The following PTPRD variants were observed in gnomAD, a reference collection of about 807,000 sequenced individuals.
The protein encoded by PTPRD is protein tyrosine phosphatase receptor type D.
Under a neutral mutation model 214.5 loss-of-function variants are expected in PTPRD, and 34 were observed. The ratio of observed to expected loss-of-function variants is 0.16; its 90% confidence interval spans 0.12 to 0.21. PTPRD has a LOEUF of 0.21. PTPRD is among the 10% of genes least tolerant of loss of function. The pLI, the probability that PTPRD is intolerant of heterozygous loss-of-function variation, is 1.00. For missense variants in PTPRD, 2,545 were observed against 2,398.7 expected (o/e 1.06, Z -1.27); for synonymous variants, 1,128 against 845.7 (o/e 1.33, Z -5.79).
At chr9:9,563,133 T>G (rs965300236) in intron 8 of PTPRD, among the ~76,000 whole-genome samples, 1 of 152,180 alleles carries the variant, frequency 6.6e-6, no homozygotes, top group African/African-American at 2.4e-5. Flanking sequence ...AGTCTGACCC[T>G]TCTCTTTGGT....
intron 9 of PTPRD, among the ~76,000 whole-genome samples, chr9:9,190,239 G>A (rs925668090): frequency 6.6e-6 from 1 of 151,934 alleles, no homozygotes; most frequent in South Asian, 2.1e-4. Context: ...CTTGATAAAA[G>A]GATGAGTGAT....
intron 8 of PTPRD, among the ~76,000 whole-genome samples, chr9:9,543,477 T>C (rs1041459012): frequency 9.2e-5 from 14 of 151,732 alleles, no homozygotes; most frequent in African/African-American, 2.9e-4. Flanking sequence ...TTTTATTTTA[T>C]GTAAATTATA....
At chr9:8,567,032 C>T (rs1036380205) in intron 14 of PTPRD, among the ~76,000 whole-genome samples, 4 of 152,176 alleles carry the variant, frequency 2.6e-5, no homozygotes, top group African/African-American at 9.6e-5. Flanking sequence ...CTCTCGAATG[C>T]TACCTTCTCC....
rs1555249355 is a variant in PTPRD, at chr9:10,379,248, T to TG, written c.-599-38232_-599-38231insC. Among the ~76,000 whole-genome samples, 115 of 151,060 alleles carry TG rather than the reference T, an allele frequency of 7.6e-4. 1 individual carries two copies. The highest frequency in any genetic ancestry group is 2.3e-3 in the South Asian group (11 of 4,786). On this transcript the variant is annotated intron_variant, in intron 2 of 45. Transcript: ENST00000381196. The stretch of plus-strand genomic sequence containing the variant: ...TGTTTGTTAGTTCTAATAGTTTTTT[T>TG]TGTGTGTGTGTGTGTGTGTAGTCAT...
intron 3 of PTPRD, among the ~76,000 whole-genome samples, chr9:10,162,103 T>C (rs2099130768): frequency 6.6e-6 from 1 of 151,564 alleles, no homozygotes; most frequent in Admixed American, 6.6e-5. Context: ...CAGGTACAAA[T>C]TAGTATAGCC....
chr9:9,195,285 A>G (rs959310594), intron 9 of PTPRD, among the ~76,000 whole-genome samples: 5 of 152,060 alleles, frequency 3.3e-5, no homozygotes, highest in African/African-American at 9.7e-5. Context: ...TTCACAAACA[A>G]CATTTAGTTG....
rs2099610652 is a variant in PTPRD at position 10,231,729 on chromosome 9, A to C, written c.-545+109234T>G. Among the ~76,000 whole-genome samples, 4 of 151,868 alleles carry C rather than the reference A, an allele frequency of 2.6e-5. No homozygotes were observed. In the South Asian group the frequency reaches 8.3e-4, roughly 32 times the overall value. On this transcript the variant is annotated intron_variant, in intron 3 of 45. Transcript: ENST00000381196. Reference sequence around the variant, plus strand: ...TTTATTAACTTTGTGATAATTTGAAAATTATTGAAAGAAATGTTCTGCTGT... The same window carrying C: ...TTTATTAACTTTGTGATAATTTGAACATTATTGAAAGAAATGTTCTGCTGT...
intron 3 of PTPRD, among the ~76,000 whole-genome samples, chr9:10,061,092 G>T (rs907237320): frequency 6.6e-6 from 1 of 151,338 alleles, no homozygotes; most frequent in African/African-American, 2.4e-5. Context: ...TTGGGGTCAG[G>T]TATATGGTGT....
chr9:8,471,958 A>G (rs2096661360), intron 30 of PTPRD, among the ~76,000 whole-genome samples: 1 of 152,178 alleles, frequency 6.6e-6, no homozygotes, highest in African/African-American at 2.4e-5. Context: ...CTGTTTAATA[A>G]TAACATATTA....
chr9:8,743,046 C>T (rs1324434964), intron 11 of PTPRD, among the ~76,000 whole-genome samples: 1 of 143,784 alleles, frequency 7.0e-6, no homozygotes, highest in Non-Finnish European at 1.5e-5. Context: ...TCAGCAATGC[C>T]AAAGGTGGGA....
intron 3 of PTPRD, among the ~76,000 whole-genome samples, chr9:10,297,560 A>T (rs1161456631): frequency 2.0e-5 from 3 of 148,136 alleles, no homozygotes; most frequent in African/African-American, 7.7e-5. Flanking sequence ...TAGAGATGGC[A>T]CATCTCTGTA....
intron 5 of PTPRD, among the ~76,000 whole-genome samples, chr9:9,933,220 C>T (rs1203266636): frequency 6.6e-6 from 1 of 152,210 alleles, no homozygotes; most frequent in Non-Finnish European, 1.5e-5. Flanking sequence ...CAAATTCACA[C>T]ATAACAATAT....
At chr9:8,418,120 T>A (rs1222142862) in intron 35 of PTPRD, among the ~76,000 whole-genome samples, 1 of 152,200 alleles carries the variant, frequency 6.6e-6, no homozygotes, top group Non-Finnish European at 1.5e-5. Flanking sequence ...AATTTTAAAT[T>A]CCAGCCTTTG....
At chr9:10,284,433 G>A (rs2095269837) in intron 3 of PTPRD, among the ~76,000 whole-genome samples, 2 of 152,134 alleles carry the variant, frequency 1.3e-5, no homozygotes. Context: ...CCATGTATGT[G>A]CATATGATAT....
intron 2 of PTPRD, among the ~76,000 whole-genome samples, chr9:10,406,592 A>G (rs1345371590): frequency 6.6e-6 from 1 of 151,588 alleles, no homozygotes; most frequent in East Asian, 2.0e-4. Context: ...AATATCTGCA[A>G]CCAACATGAA....
chr9:10,603,400 T>C (rs928303433), intron 2 of PTPRD, among the ~76,000 whole-genome samples: 2 of 151,920 alleles, frequency 1.3e-5, no homozygotes, highest in African/African-American at 2.4e-5. Flanking sequence ...TTACTTATGA[T>C]AACTTGTGCT....
intron 9 of PTPRD, among the ~76,000 whole-genome samples, chr9:9,366,676 G>C (rs2057975382): frequency 1.3e-5 from 2 of 151,294 alleles, no homozygotes; most frequent in Admixed American, 1.3e-4. Context: ...TTTCTTATTT[G>C]ACACTGATTT....
At chr9:10,266,499 C>T (rs1390421303) in intron 3 of PTPRD, among the ~76,000 whole-genome samples, 1 of 152,078 alleles carries the variant, frequency 6.6e-6, no homozygotes. Flanking sequence ...TCAAATATGT[C>T]ACTTATAATT....
intron 12 of PTPRD, among the ~76,000 whole-genome samples, chr9:8,674,321 G>A (rs140906549): frequency 0.094 from 14,255 of 151,888 alleles, 860 homozygotes; most frequent in South Asian, 0.14. Flanking sequence ...AGCTGGGCGT[G>A]GTGGCACACG....
Sources: gnomAD v4.1 joint callset for allele counts (sites outside exome capture counted in the v4.1 genomes callset) on GRCh38, gnomAD v4.1.1 for gene constraint, MANE v1.5 for transcripts, NCBI Gene and HGNC (gene_info 2026-07-23, HGNC 2026-07-21) for gene names.